Variants in RIPK1 observed in about 807,000 individuals in gnomAD.
RIPK1 encodes the protein receptor-interacting serine/threonine-protein kinase 1.
RIPK1 carries 27 observed loss-of-function variants against 62.4 expected under a neutral mutation model. That is an observed-to-expected ratio of 0.43 (90% CI 0.32 to 0.60). RIPK1 has a LOEUF of 0.60. RIPK1 is among the 20% of genes least tolerant of loss of function. The probability of loss-of-function intolerance (pLI) is 0.07; values close to 1 mark genes in which losing one functional copy is unlikely to be tolerated. For synonymous variants in RIPK1, 287 were observed against 303.2 expected (o/e 0.95, Z 0.55); for missense variants, 735 against 831.0 (o/e 0.88, Z 1.42).
chr6:3,079,357 C>T (rs1759260999), intron 3 of RIPK1, among the ~76,000 whole-genome samples: 1 of 152,218 alleles, frequency 6.6e-6, no homozygotes, highest in Admixed American at 6.5e-5. Context: ...GGATTACAGG[C>T]ATGAGCCACC....
At chr6:3,087,239 T>G (rs1394289681) in intron 6 of RIPK1, among the ~76,000 whole-genome samples, 1 of 152,172 alleles carries the variant, frequency 6.6e-6, no homozygotes, top group Non-Finnish European at 1.5e-5. Context: ...TTTGCTCAGC[T>G]TCTTAAATCT....
chr6:3,104,208 T>C lies in RIPK1; in HGVS notation c.916-17T>C, dbSNP rs2113688506. The C allele has an allele frequency of 8.1e-7, 1 of 1,240,056 alleles. No homozygotes were observed. Among genetic ancestry groups the C allele is most frequent in the South Asian group, 1.2e-5 (1 of 80,528 alleles). The allele number at this position is 1,240,056 out of a possible 1,614,324, so 76.8% of individuals were successfully genotyped here. Reference sequence around the variant, plus strand: ...CCTGCTGTTCACTAAAGTGTGTATTTATGCTCTTAATTATAGAAAGAGTAT... The same window carrying C: ...CCTGCTGTTCACTAAAGTGTGTATTCATGCTCTTAATTATAGAAAGAGTAT... On this transcript the variant is annotated splice_polypyrimidine_tract_variant and intron_variant, in intron 7 of 10. Coordinates refer to ENST00000259808, the MANE Select transcript of RIPK1 (RefSeq NM_001354930.2).
intron 5 of RIPK1, 24 bp from the exon 6 acceptor site, chr6:3,085,235 T>G: frequency 6.2e-7 from 1 of 1,613,724 alleles, no homozygotes; most frequent in Non-Finnish European, 8.5e-7. Context: ...GAGCAAGACC[T>G]GAAAGAAAGT....
chr6:3,095,805 G>A (rs570592652), intron 7 of RIPK1, among the ~76,000 whole-genome samples: 17 of 150,704 alleles, frequency 1.1e-4, no homozygotes, highest in African/African-American at 3.6e-4. Context: ...ATCTTGAAAC[G>A]AACAGAAGTT....
intron 1 of RIPK1, among the ~76,000 whole-genome samples, chr6:3,073,664 T>C (rs559678415): frequency 8.5e-5 from 13 of 152,182 alleles, no homozygotes; most frequent in Admixed American, 2.6e-4. Flanking sequence ...GGTGCTGCTG[T>C]ATGAGCTTCC....
intron 3 of RIPK1, among the ~76,000 whole-genome samples, chr6:3,078,304 G>A (rs1168671860): frequency 6.6e-6 from 1 of 152,134 alleles, no homozygotes; most frequent in African/African-American, 2.4e-5. Flanking sequence ...GACCAGCCTG[G>A]ATAACACAGT....
Position 3,080,969 on chromosome 6 carries a change from C to A in RIPK1, c.322-10C>A, listed in dbSNP as rs1338000618. On this transcript the variant is annotated splice_polypyrimidine_tract_variant and intron_variant, in intron 3 of 10. Coordinates refer to ENST00000259808, the MANE Select transcript of RIPK1 (RefSeq NM_001354930.2). ...TTTCCATTTCATAGACTTAATATCACTTGTTTTAGATGAGTACTCCGCTTT... is the reference window on the plus strand; with the variant it reads ...TTTCCATTTCATAGACTTAATATCAATTGTTTTAGATGAGTACTCCGCTTT... 1 of 1,612,094 alleles carries A rather than the reference C, an allele frequency of 6.2e-7. No individual in the cohort carries two copies. The highest frequency in any genetic ancestry group is 8.5e-7 in the Non-Finnish European group (1 of 1,178,898).
At chr6:3,104,067 T>TTGGC (rs1760708804) in intron 7 of RIPK1, among the ~76,000 whole-genome samples, 158 bp from the exon 8 acceptor site, 3 of 152,250 alleles carry the variant, frequency 2.0e-5, no homozygotes, top group African/African-American at 7.2e-5. Context: ...AAAGATCATT[T>TTGGC]TGGCTATTTG....
chr6:3,094,510 C>G (rs569953160), intron 7 of RIPK1, among the ~76,000 whole-genome samples: 1 of 151,196 alleles, frequency 6.6e-6, no homozygotes, highest in East Asian at 1.9e-4. Flanking sequence ...TAACAAAACA[C>G]TACATATTAA....
intron 1 of RIPK1, among the ~76,000 whole-genome samples, chr6:3,071,817 C>T (rs1758727376): frequency 6.6e-6 from 1 of 152,176 alleles, no homozygotes; most frequent in African/African-American, 2.4e-5. Flanking sequence ...CCACCGCACA[C>T]AGCAGCACCT....
chr6:3,097,587 C>T (rs1285239651), intron 7 of RIPK1, among the ~76,000 whole-genome samples: 1 of 152,140 alleles, frequency 6.6e-6, no homozygotes, highest in Non-Finnish European at 1.5e-5. Context: ...ACCAAAAAAT[C>T]AGCTCCAGGT....
Position 3,080,755 on chromosome 6 carries a change from G to A in RIPK1, c.322-224G>A, listed in dbSNP as rs189880451. On this transcript the variant is annotated intron_variant, in intron 3 of 10. Coordinates refer to ENST00000259808, the MANE Select transcript of RIPK1 (RefSeq NM_001354930.2). ...TTTATGCATTACCAAATTATTGTGGGATTTTTGTTTTTACACTAACAAAAT... is the reference window on the plus strand; with the variant it reads ...TTTATGCATTACCAAATTATTGTGGAATTTTTGTTTTTACACTAACAAAAT... Among the ~76,000 whole-genome samples the A allele has an allele frequency of 3.9e-5, 6 of 151,924 alleles. No homozygotes were observed. The East Asian group carries it at 5.8e-4, about 15-fold the overall frequency.
chr6:3,094,785 T>C (rs1267157461), intron 7 of RIPK1, among the ~76,000 whole-genome samples: 1 of 152,042 alleles, frequency 6.6e-6, no homozygotes, highest in South Asian at 2.1e-4. Context: ...TAATTAAGAC[T>C]GATAGAGCCA....
At chr6:3,102,893 G>A (rs771311897) in intron 7 of RIPK1, among the ~76,000 whole-genome samples, 31 of 152,154 alleles carry the variant, frequency 2.0e-4, no homozygotes, top group Non-Finnish European at 5.9e-5. Context: ...CCCATGCCCG[G>A]CCATGTTTAA....
At chr6:3,067,240 G>A (rs1758421868), upstream of RIPK1, among the ~76,000 whole-genome samples, 1 of 151,852 alleles carries the variant, frequency 6.6e-6, no homozygotes. Context: ...ATGGGCATAA[G>A]CTTTCAACTC....
At chr6:3,066,088 A>G (rs546092367), upstream of RIPK1, among the ~76,000 whole-genome samples, 4 of 152,218 alleles carry the variant, frequency 2.6e-5, no homozygotes, top group African/African-American at 7.2e-5. Flanking sequence ...GGCTGGAGCA[A>G]TCTTGGCTCA....
chr6:3,076,149 T>A (rs1303767794), intron 1 of RIPK1, among the ~76,000 whole-genome samples: 3 of 152,178 alleles, frequency 2.0e-5, no homozygotes, highest in African/African-American at 7.2e-5. Flanking sequence ...TCAATGAATG[T>A]TTGTATTATG....
In RIPK1 at chr6:3,104,226, A is replaced by C; in HGVS notation, c.917A>C (p.Lys306Thr). 6.7e-7 allele frequency: 1 copy of C among 1,491,426 alleles called. No homozygotes were observed. Among genetic ancestry groups the C allele is most frequent in the South Asian group, 1.1e-5 (1 of 87,068 alleles). The allele number at this position is 1,491,426 out of a possible 1,614,324, so 92.4% of individuals were successfully genotyped here. A position where few individuals can be genotyped will look rare whatever the true frequency, so the allele number is the denominator to read the frequency against. The change falls in exon 8 of 11, where the codon AAA becomes ACA. Residue 306 changes from lysine to threonine, a missense_variant and splice_region_variant. Transcript: ENST00000259808. ...SVEEDVKSLK[K>T]EYSNENAVVK... is the part of the protein sequence containing the mutation. ...GTGTATTTATGCTCTTAATTATAGA[A>C]AGAGTATTCAAACGAAAATGCAGTT... is the stretch of plus-strand genomic sequence containing the variant.
At chr6:3,089,492 G>A (rs1171154493) in intron 6 of RIPK1, 89 bp from the exon 7 acceptor site, 3 of 708,076 alleles carry the variant, frequency 4.2e-6, no homozygotes, top group Non-Finnish European at 5.0e-6. Context: ...ACAGATTGAG[G>A]TAAGTAATTC....
Sources: allele counts gnomAD v4.1 joint callset (sites outside exome capture counted in the v4.1 genomes callset), GRCh38; gene constraint gnomAD v4.1.1; transcripts MANE v1.5; gene names NCBI Gene and HGNC (gene_info 2026-07-23, HGNC 2026-07-21).